The following KDM7A variants were observed in gnomAD, a reference collection of about 807,000 sequenced individuals.
KDM7A encodes the protein lysine demethylase 7A, also known as lysine-specific demethylase 7A.
A neutral mutation model predicts 114.8 loss-of-function variants in KDM7A; 28 were observed. The observed-to-expected ratio is 0.24, with a 90% CI of 0.18 to 0.33. The LOEUF (loss-of-function observed/expected upper bound fraction) is 0.33. KDM7A is among the 10% of genes least tolerant of loss of function. The pLI is 1.00. For missense variants in KDM7A, 942 were observed against 1,142.5 expected (o/e 0.82, Z 2.53); for synonymous variants, 423 against 397.8 (o/e 1.06, Z -0.75).
intron 9 of KDM7A, among the ~76,000 whole-genome samples, chr7:140,116,932 T>C (rs370434560): frequency 6.6e-6 from 1 of 152,188 alleles, no homozygotes; most frequent in South Asian, 2.1e-4. Context: ...TCAACCTCAT[T>C]TAACCCACCA....
intron 13 of KDM7A, 101 bp from the exon 14 acceptor site, chr7:140,099,134 G>A: frequency 1.1e-6 from 1 of 887,902 alleles, no homozygotes; most frequent in Non-Finnish European, 1.7e-6. Flanking sequence ...AGAGAATTGA[G>A]ACACTGTCCC....
At chr7:140,151,126 C>T (rs540532123) in intron 1 of KDM7A, among the ~76,000 whole-genome samples, 17 of 152,152 alleles carry the variant, frequency 1.1e-4, no homozygotes, top group South Asian at 4.1e-4. Flanking sequence ...CCACCGTGCC[C>T]GGCCACAATA....
At position 140,107,632 on chromosome 7, in the gene KDM7A, G is replaced by A. The variant is rs558015310; in HGVS notation, c.1428+3463C>T. Among the ~76,000 whole-genome samples the A allele has an allele frequency of 1.1e-4, 17 of 152,296 alleles. No homozygotes were observed. The South Asian group carries it at 2.9e-3, about 26-fold the overall frequency. On this transcript the variant is annotated intron_variant, in intron 11 of 19. Transcript: ENST00000397560. ...TCTTCTGGCTTGTAGAGTTTCTGCC[G>A]AGAGATCCGCTGTCAGTCTGATGGG...
intron 1 of KDM7A, among the ~76,000 whole-genome samples, chr7:140,171,131 CA>C (rs1290569693): frequency 1.3e-5 from 2 of 151,910 alleles, no homozygotes; most frequent in Non-Finnish European, 2.9e-5. Context: ...TAAATCTTTA[CA>C]TCTGTACACA....
At chr7:140,114,387 C>T (rs1460876675) in intron 9 of KDM7A, among the ~76,000 whole-genome samples, 1 of 152,178 alleles carries the variant, frequency 6.6e-6, no homozygotes, top group East Asian at 1.9e-4. Context: ...CCGGGCTGGT[C>T]TCCAGCTCCT....
At chr7:140,165,959 G>C (rs1420313477) in intron 1 of KDM7A, among the ~76,000 whole-genome samples, 1 of 152,156 alleles carries the variant, frequency 6.6e-6, no homozygotes, top group Non-Finnish European at 1.5e-5. Flanking sequence ...ACCTTAAACT[G>C]CAAAAGTTAC....
At chr7:140,123,335 T>C (rs1241097059) in intron 7 of KDM7A, among the ~76,000 whole-genome samples, 1 of 152,160 alleles carries the variant, frequency 6.6e-6, no homozygotes, top group Non-Finnish European at 1.5e-5. Context: ...CTACAAGCTA[T>C]ATTTACCCAA....
At chr7:140,130,982 T>C (rs1818775999) in intron 3 of KDM7A, among the ~76,000 whole-genome samples, 1 of 151,028 alleles carries the variant, frequency 6.6e-6, no homozygotes, top group Non-Finnish European at 1.5e-5. Flanking sequence ...GCCTCCCAAG[T>C]AGCTGGGACT....
At chr7:140,121,563 T>C (rs1484147588) in intron 7 of KDM7A, among the ~76,000 whole-genome samples, 1 of 152,212 alleles carries the variant, frequency 6.6e-6, no homozygotes, top group African/African-American at 2.4e-5. Flanking sequence ...GCGGCAGTAC[T>C]GCCTGTTCAG....
intron 19 of KDM7A, among the ~76,000 whole-genome samples, chr7:140,091,583 C>A (rs1400353705): frequency 1.3e-5 from 2 of 152,166 alleles, no homozygotes; most frequent in African/African-American, 4.8e-5. Context: ...CCTGGCTAAC[C>A]CCTGAACATC....
intron 11 of KDM7A, among the ~76,000 whole-genome samples, chr7:140,106,751 A>C (rs1818343717): frequency 6.6e-6 from 1 of 152,224 alleles, no homozygotes; most frequent in Admixed American, 6.5e-5. Flanking sequence ...TGCTGAGAAG[A>C]ATGTACATTC....
chr7:140,102,374 A>AT (rs149936748), intron 11 of KDM7A, among the ~76,000 whole-genome samples: 1,858 of 143,230 alleles, frequency 0.013, 41 homozygotes, highest in African/African-American at 0.037. Context: ...TACTTCCTTG[A>AT]TTTTTTTTTT....
At position 140,096,979 on chromosome 7, in the gene KDM7A, G is replaced by C. The variant is rs1391915562; in HGVS notation, c.2085C>G (p.Asn695Lys). 6.2e-7 allele frequency: 1 copy of C among 1,612,724 alleles called. No homozygotes were observed. Residue 695 changes from asparagine (N) to lysine (K), a missense_variant, in exon 16 of 20, where the codon AAC becomes AAG. Asn to Lys is a moderately conservative substitution (Grantham distance 94). Around this residue, in one of 4 missense-constraint regions of KDM7A, gnomAD observed 512 missense variants for 576.6 expected, o/e 0.89. Transcript: ENST00000397560. ...GDEKKQEITS[N>K]FKEESNVMRN... ...TCATCACATTAGATTCCTCCTTAAA[G>C]TTGGATGTTATTTCTTGTTTCTTTT...
In KDM7A at chr7:140,124,775, C is replaced by A; in HGVS notation, c.897G>T (p.Lys299Asn). The change falls in exon 7 of 20, where the codon AAG becomes AAT. Residue 299 changes from lysine (K) to asparagine (N), a missense_variant. By Grantham distance (94) the Lys-to-Asn change is moderately conservative. This residue lies in a region of KDM7A where 318 missense variants were observed against 453.1 expected (regional missense o/e 0.70). Coordinates refer to ENST00000397560, the MANE Select transcript of KDM7A (RefSeq NM_030647.2). ...CTGTTGGCTTTATTAAATAAAAAAT[C>A]TTCTCACCCTAAAAGGAAGTATCAT... is the stretch of plus-strand genomic sequence containing the variant. ...SVWYHVLWGE[K>N]IFYLIKPTDE... is the part of the protein sequence containing the mutation. 1 of 1,603,076 alleles carries A rather than the reference C, an allele frequency of 6.2e-7. No individual in the cohort carries two copies.
intron 2 of KDM7A, among the ~76,000 whole-genome samples, chr7:140,138,514 GGAA>G (rs1818904838): frequency 1.3e-5 from 2 of 152,048 alleles, no homozygotes; most frequent in Admixed American, 6.5e-5. Context: ...TCCCTTCTTA[GGAA>G]GAAGAGTGTG....
At position 140,158,709 on chromosome 7, in the gene KDM7A, G is replaced by C. The variant is rs538603980; in HGVS notation, c.194+18035C>G. 3.3e-5 allele frequency among the ~76,000 whole-genome samples: 5 copies of C among 152,336 alleles called. No homozygotes were observed. In the East Asian group the frequency reaches 7.7e-4, roughly 23 times the overall value. ...GGGTACCCAGCCATAAAAGATCAGG[G>C]AGACGAGAAGCAATTGCAGTTAAGA... On this transcript the variant is annotated intron_variant, in intron 1 of 19. Coordinates refer to ENST00000397560, the MANE Select transcript of KDM7A (RefSeq NM_030647.2).
Position 140,098,928 on chromosome 7 carries a change from A to T in KDM7A, c.1869T>A (p.Ser623Arg), listed in dbSNP as rs187004704. Reference sequence around the variant, plus strand: ...CATGTTCCACTCCCTCTACTCCTGAACTCTCTTCTATCTTCATTTTTGCCT... The same window carrying T: ...CATGTTCCACTCCCTCTACTCCTGATCTCTCTTCTATCTTCATTTTTGCCT... ...TKKAKMKIEE[S>R]SGVEGVEHEE... is the part of the protein sequence containing the mutation. Residue 623 changes from serine (S) to arginine (R), a missense_variant, in exon 14 of 20, where the codon AGT (serine) becomes AGA (arginine). By Grantham distance (110) the Ser-to-Arg change is moderately radical. Around this residue, in one of 4 missense-constraint regions of KDM7A, gnomAD observed 512 missense variants for 576.6 expected, o/e 0.89. Transcript: ENST00000397560. 9 of 1,612,820 alleles carry T rather than the reference A, an allele frequency of 5.6e-6. No individual in the cohort carries two copies. In the Admixed American group the frequency reaches 8.3e-5, roughly 15 times the overall value.
chr7:140,142,698 A>G (rs1033749557), intron 1 of KDM7A, among the ~76,000 whole-genome samples: 5 of 152,128 alleles, frequency 3.3e-5, no homozygotes, highest in African/African-American at 7.2e-5. Flanking sequence ...CTGCACTAAA[A>G]CTGAAGAATC....
intron 11 of KDM7A, among the ~76,000 whole-genome samples, chr7:140,110,075 T>C (rs1424825904): frequency 6.6e-6 from 1 of 152,200 alleles, no homozygotes. Context: ...CCAGTTTAAT[T>C]ACTCTTCCAA....
Sources: gnomAD v4.1 joint callset for allele counts (sites outside exome capture counted in the v4.1 genomes callset) on GRCh38, gnomAD v4.1.1 for gene constraint, gnomAD v4.1.1 regional missense constraint, MANE v1.5 for transcripts, NCBI Gene and HGNC (gene_info 2026-07-23, HGNC 2026-07-21) for gene names.